NAV2: variants seen among roughly 807,000 people sequenced by gnomAD.
NAV2 encodes the protein helicase, APC down-regulated 1.
A neutral mutation model predicts 223.2 loss-of-function variants in NAV2; 54 were observed. The observed-to-expected ratio is 0.24, with a 90% CI of 0.19 to 0.30. The LOEUF (loss-of-function observed/expected upper bound fraction) is 0.30. Ranked by LOEUF, NAV2 falls within the 10% of genes least tolerant of loss-of-function variation. The probability of loss-of-function intolerance (pLI) is 1.00; values close to 1 mark genes in which losing one functional copy is unlikely to be tolerated. For missense variants in NAV2, 2,806 were observed against 3,147.5 expected (o/e 0.89, Z 2.60); for synonymous variants, 1,279 against 1,239.3 (o/e 1.03, Z -0.67).
chr11:19,456,978 G>A (rs10833115), intron 1 of NAV2, among the ~76,000 whole-genome samples: 47,572 of 151,994 alleles, frequency 0.31, 7,566 homozygotes, highest in African/African-American at 0.36. Flanking sequence ...CTTAGGACTC[G>A]GCTCTTCTGT....
At chr11:20,085,610 C>T (rs1226016685) in intron 26 of NAV2, among the ~76,000 whole-genome samples, 3 of 152,198 alleles carry the variant, frequency 2.0e-5, no homozygotes, top group Admixed American at 2.0e-4. Flanking sequence ...ACAAACTCAG[C>T]CCAACGCTCA....
intron 1 of NAV2, among the ~76,000 whole-genome samples, chr11:19,818,072 T>C (rs1432693245): frequency 6.6e-6 from 1 of 151,952 alleles, no homozygotes; most frequent in Non-Finnish European, 1.5e-5. Flanking sequence ...CTTTTTTTCA[T>C]GCAAAGCATT....
intron 1 of NAV2, among the ~76,000 whole-genome samples, chr11:19,515,756 G>A (rs2043426299): frequency 1.3e-5 from 2 of 152,230 alleles, no homozygotes; most frequent in Admixed American, 6.5e-5. Context: ...GATTCAGGAA[G>A]TGATGCTGGA....
intron 1 of NAV2, among the ~76,000 whole-genome samples, chr11:19,442,631 C>T (rs963283421): frequency 2.0e-5 from 3 of 152,162 alleles, no homozygotes; most frequent in African/African-American, 7.2e-5. Flanking sequence ...AGGTGGCCTG[C>T]AGAAGCCTGC....
intron 7 of NAV2, among the ~76,000 whole-genome samples, chr11:19,934,970 CA>C (rs1487699540): frequency 6.6e-6 from 1 of 152,152 alleles, no homozygotes; most frequent in African/African-American, 2.4e-5. Flanking sequence ...TGTGTGGAGC[CA>C]GTCCACACAG....
chr11:19,924,354 AC>A (rs2044550877), intron 6 of NAV2, among the ~76,000 whole-genome samples: 6 of 152,020 alleles, frequency 3.9e-5, no homozygotes. Flanking sequence ...CAAATGAATT[AC>A]CTCATCACCC....
chr11:19,806,441 C>T (rs968586965), intron 1 of NAV2, among the ~76,000 whole-genome samples: 2 of 152,230 alleles, frequency 1.3e-5, no homozygotes, highest in Non-Finnish European at 2.9e-5. Flanking sequence ...AAATTTGGAA[C>T]ATGATCAGGC....
intron 1 of NAV2, among the ~76,000 whole-genome samples, chr11:19,654,265 T>A (rs1432860348): frequency 6.6e-6 from 1 of 152,168 alleles, no homozygotes; most frequent in Non-Finnish European, 1.5e-5. Context: ...TGGAAGAACA[T>A]TCCATGCTCA....
chr11:19,850,291 T>A (rs911289355), intron 3 of NAV2, among the ~76,000 whole-genome samples: 1 of 152,190 alleles, frequency 6.6e-6, no homozygotes, highest in African/African-American at 2.4e-5. Flanking sequence ...TGTGCCTGCT[T>A]TTAACATAAT....
chr11:20,115,658 AC>A (rs1464540704), intron 37 of NAV2, among the ~76,000 whole-genome samples: 182 of 135,044 alleles, frequency 1.3e-3, no homozygotes, highest in African/African-American at 4.4e-3. Flanking sequence ...AAAAAAAAGC[AC>A]CCGGGCTGGG....
chr11:19,512,599 A>C (rs1044239194), intron 1 of NAV2, among the ~76,000 whole-genome samples: 7 of 152,228 alleles, frequency 4.6e-5, no homozygotes, highest in Non-Finnish European at 8.8e-5. Flanking sequence ...GTGAAAGCTC[A>C]ATTAACTAGA....
At chr11:19,479,538 C>T (rs1417174202) in intron 1 of NAV2, among the ~76,000 whole-genome samples, 2 of 152,148 alleles carry the variant, frequency 1.3e-5, no homozygotes, top group Admixed American at 6.6e-5. Flanking sequence ...GGAGCTGTGA[C>T]AGAGCTTAAG....
At position 20,045,419 on chromosome 11, in the gene NAV2, C is replaced by G. The variant is rs1564917815; in HGVS notation, c.3651C>G (p.Asn1217Lys). ...NRSSTSSIDS[N>K]ISSKSAGLPV... ...CTAGCACCAGCAGCATAGATTCCAA[C>G]ATTAGCAGCAAGTCCGCAGGCCTGC... Residue 1217 changes from asparagine (N) to lysine (K), a missense_variant, in exon 14 of 38, where the codon AAC (asparagine) becomes AAG (lysine). By Grantham distance (94) the Asn-to-Lys change is moderately conservative. This residue lies in a region of NAV2 where 742 missense variants were observed against 777.9 expected (regional missense o/e 0.95). Transcript: ENST00000349880. The G allele has an allele frequency of 1.9e-6, 3 of 1,614,204 alleles. No homozygotes were observed. Among genetic ancestry groups the G allele is most frequent in the Non-Finnish European group, 2.5e-6 (3 of 1,180,030 alleles).
At chr11:19,928,879 C>T (rs2153234133) in intron 6 of NAV2, among the ~76,000 whole-genome samples, 1 of 152,260 alleles carries the variant, frequency 6.6e-6, no homozygotes, top group Admixed American at 6.5e-5. Flanking sequence ...CCCACCCACA[C>T]CTCCCCTTTG....
intron 1 of NAV2, among the ~76,000 whole-genome samples, chr11:19,380,307 G>C (rs75357718): frequency 1.3e-5 from 2 of 152,212 alleles, no homozygotes; most frequent in Non-Finnish European, 1.5e-5. Context: ...GGCCACTGCT[G>C]TTCCCTTGCA....
chr11:19,883,882 A>T (rs531104750), intron 5 of NAV2, among the ~76,000 whole-genome samples: 24 of 152,316 alleles, frequency 1.6e-4, no homozygotes, highest in Admixed American at 1.1e-3. Context: ...GGTCACCTTT[A>T]TGGGATACTG....
chr11:19,687,591 A>G (rs2049057776), intron 1 of NAV2, among the ~76,000 whole-genome samples: 1 of 152,172 alleles, frequency 6.6e-6, no homozygotes, highest in Admixed American at 6.5e-5. Flanking sequence ...CTGGAATAAG[A>G]AGTTAATTTT....
chr11:20,005,347 G>A (rs1440517777), intron 11 of NAV2, among the ~76,000 whole-genome samples: 8 of 151,170 alleles, frequency 5.3e-5, no homozygotes, highest in African/African-American at 1.9e-4. Flanking sequence ...CCGGGTTCAA[G>A]CAATTCTCCT....
At chr11:19,349,254 C>T (rs758176625), upstream of NAV2, among the ~76,000 whole-genome samples, 4 of 152,196 alleles carry the variant, frequency 2.6e-5, no homozygotes, top group Non-Finnish European at 4.4e-5. Context: ...GACAAGCCTT[C>T]AATTAAGAGG....
Sources: allele counts gnomAD v4.1 joint callset (sites outside exome capture counted in the v4.1 genomes callset), GRCh38; gene constraint gnomAD v4.1.1; regional missense constraint gnomAD v4.1.1; transcripts MANE v1.5; gene names NCBI Gene and HGNC (gene_info 2026-07-23, HGNC 2026-07-21).